MREG: variants seen among roughly 807,000 people sequenced by gnomAD.
MREG encodes dilute suppressor protein homolog.
MREG carries 31 observed loss-of-function variants against 28.5 expected under a neutral mutation model. That is an observed-to-expected ratio of 1.09 (90% CI 0.82 to 1.47). The LOEUF (loss-of-function observed/expected upper bound fraction) is 1.47. Ranked by LOEUF, MREG falls within the 40% of genes most tolerant of loss-of-function variation. The probability of loss-of-function intolerance (pLI) is 0.00; values close to 1 mark genes in which losing one functional copy is unlikely to be tolerated. For synonymous variants in MREG, 106 were observed against 95.2 expected (o/e 1.11, Z -0.66); for missense variants, 256 against 257.4 (o/e 0.99, Z 0.04).
chr2:216,031,757 C>T (rs189113870), intron 1 of MREG, among the ~76,000 whole-genome samples: 1 of 151,512 alleles, frequency 6.6e-6, no homozygotes, highest in East Asian at 1.9e-4. Flanking sequence ...TACCCCAATT[C>T]CCCTAATGTC....
In MREG at chr2:216,031,647, AAAAGAAAG is replaced by A. The variant is rs200929112; in HGVS notation, c.-68+1134_-68+1141del. Among the ~76,000 whole-genome samples, 390 of 98,026 alleles carry A rather than the reference AAAAGAAAG, an allele frequency of 4.0e-3. 2 individuals are homozygous for A. The highest frequency in any genetic ancestry group is 0.018 in the Middle Eastern group (4 of 224). 64.3% of individuals were successfully genotyped at this position (98,026 alleles called of 152,430 possible). A position where few individuals can be genotyped will look rare whatever the true frequency, so the allele number is the denominator to read the frequency against. On this transcript the variant is annotated intron_variant, in intron 1 of 3. Transcript: ENST00000420348. ...AAGGAACAAGGAAGGAAGGAAGAAG[AAAAGAAAG>A]AAAGAAAGAAAGAAAGAAAGAAAGA...
rs1559173595 is a variant in MREG, at chr2:215,949,090, A to ACTAC, written c.256-1978_256-1977insGTAG. ...ACTACTACTACTACTACTACTACTA[A>ACTAC]TAATAATAATAATAATACAAAAATT... On this transcript the variant is annotated intron_variant, in intron 2 of 4. Coordinates refer to ENST00000263268, the MANE Select transcript of MREG (RefSeq NM_018000.3). Among the ~76,000 whole-genome samples the ACTAC allele has an allele frequency of 4.0e-3, 527 of 130,450 alleles. 1 individual carries two copies. The highest frequency in any genetic ancestry group is 5.5e-3 in the Non-Finnish European group (331 of 59,978). The allele number at this position is 130,450 out of a possible 152,430, so 85.6% of individuals were successfully genotyped here.
chr2:216,010,519 G>A (rs967666433), intron 1 of MREG, among the ~76,000 whole-genome samples: 1 of 151,324 alleles, frequency 6.6e-6, no homozygotes, highest in African/African-American at 2.4e-5. Context: ...CACTACACCC[G>A]GCTAATTTTT....
At chr2:216,026,623 A>G (rs1694598122) in intron 1 of MREG, among the ~76,000 whole-genome samples, 1 of 152,114 alleles carries the variant, frequency 6.6e-6, no homozygotes, top group Non-Finnish European at 1.5e-5. Flanking sequence ...TGCCTCACAA[A>G]GTGCTGGGAT....
rs1260630968 is a variant in MREG at position 215,996,335 on chromosome 2, T to C, written c.226A>G (p.Ile76Val). 7 of 1,613,910 alleles carry C rather than the reference T, an allele frequency of 4.3e-6. No homozygotes were observed. Among genetic ancestry groups the C allele is most frequent in the Non-Finnish European group, 5.1e-6 (6 of 1,179,860 alleles). The stretch of plus-strand genomic sequence containing the variant: ...GAGTCTTTGGCCTGCTGATTACGAA[T>C]GACTATCAAATTGTACAGGGTTCTG... ...DDRTLYNLIV[I>V]RNQQAKDSEE... Residue 76 changes from isoleucine to valine, a missense_variant, in exon 2 of 5, where the codon ATT becomes GTT. Physicochemically the swap from Ile to Val is conservative, Grantham distance 29. Coordinates refer to ENST00000263268, the MANE Select transcript of MREG (RefSeq NM_018000.3).
intron 2 of MREG, among the ~76,000 whole-genome samples, chr2:215,994,328 C>G (rs1444626832): frequency 6.6e-6 from 1 of 151,634 alleles, no homozygotes; most frequent in Admixed American, 6.6e-5. Context: ...AACCAAACAC[C>G]ACATGTTCTC....
chr2:215,999,113 G>A (rs1358159255), intron 1 of MREG, among the ~76,000 whole-genome samples: 1 of 152,224 alleles, frequency 6.6e-6, no homozygotes, highest in Non-Finnish European at 1.5e-5. Context: ...GGAGCCCACG[G>A]GGTTGGGGAA....
At chr2:215,962,761 G>T (rs892639343) in intron 2 of MREG, among the ~76,000 whole-genome samples, 1 of 150,394 alleles carries the variant, frequency 6.6e-6, no homozygotes, top group Non-Finnish European at 1.5e-5. Flanking sequence ...ATAGCCACAC[G>T]TGGCTACTGA....
At chr2:215,971,083 C>T (rs750068366) in intron 2 of MREG, among the ~76,000 whole-genome samples, 1 of 151,996 alleles carries the variant, frequency 6.6e-6, no homozygotes, top group East Asian at 1.9e-4. Context: ...GGGAGTTGAA[C>T]AATGAGAATA....
Position 215,943,718 on chromosome 2 carries a change from G to C in MREG, c.*1145C>G, listed in dbSNP as rs943528936. On this transcript the variant is annotated 3_prime_UTR_variant, in exon 5 of 5. Transcript: ENST00000263268. ...TAGCCAGGTGTGGTGGCACGCGCCTGTAGTTCCAGCTACTCCAGAGGCTGA... is the reference window on the plus strand; with the variant it reads ...TAGCCAGGTGTGGTGGCACGCGCCTCTAGTTCCAGCTACTCCAGAGGCTGA... 9.1e-6 allele frequency: 3 copies of C among 329,160 alleles called. No individual in the cohort carries two copies. Among genetic ancestry groups the C allele is most frequent in the Non-Finnish European group, 1.8e-5 (3 of 166,550 alleles). The allele number at this position is 329,160 out of a possible 1,614,324, so 20.4% of individuals were successfully genotyped here.
At chr2:215,975,694 A>C (rs1417244746) in intron 2 of MREG, among the ~76,000 whole-genome samples, 1 of 152,186 alleles carries the variant, frequency 6.6e-6, no homozygotes, top group Non-Finnish European at 1.5e-5. Context: ...TTATATATTA[A>C]ATAATGCATC....
At chr2:215,978,561 C>G (rs1693322476) in intron 2 of MREG, among the ~76,000 whole-genome samples, 2 of 152,316 alleles carry the variant, frequency 1.3e-5, no homozygotes, top group Admixed American at 6.5e-5. Flanking sequence ...GAAACCAAAA[C>G]CTGGCACAGA....
intron 1 of MREG, among the ~76,000 whole-genome samples, chr2:216,023,089 C>G (rs1163349792): frequency 6.6e-6 from 1 of 152,168 alleles, no homozygotes; most frequent in Non-Finnish European, 1.5e-5. Context: ...AGAGATACAT[C>G]GACAGGCCAG....
At chr2:216,014,708 A>C (rs989590382), upstream of MREG, among the ~76,000 whole-genome samples, 4 of 152,288 alleles carry the variant, frequency 2.6e-5, no homozygotes, top group Admixed American at 6.5e-5. Flanking sequence ...TTGGCAGTTG[A>C]ATTGCTGGGT....
intron 1 of MREG, among the ~76,000 whole-genome samples, chr2:216,011,313 G>C (rs1694302427): frequency 6.6e-6 from 1 of 152,068 alleles, no homozygotes; most frequent in South Asian, 2.1e-4. Flanking sequence ...CCCAAATATT[G>C]TTATATGGAA....
At chr2:215,972,459 A>C (rs1194211163) in intron 2 of MREG, among the ~76,000 whole-genome samples, 1 of 152,132 alleles carries the variant, frequency 6.6e-6, no homozygotes, top group Non-Finnish European at 1.5e-5. Context: ...CCTAGCCAAC[A>C]TGGTGAAAAC....
chr2:216,005,275 T>G (rs548520901), intron 1 of MREG, among the ~76,000 whole-genome samples: 10 of 152,098 alleles, frequency 6.6e-5, no homozygotes, highest in Non-Finnish European at 1.2e-4. Flanking sequence ...CACAGTTTGA[T>G]CCCATTTATG....
intron 2 of MREG, among the ~76,000 whole-genome samples, chr2:215,986,351 C>T (rs1316629844): frequency 1.3e-5 from 2 of 152,160 alleles, no homozygotes; most frequent in East Asian, 3.8e-4. Context: ...CTCAACATGG[C>T]AAGCAGCTAT....
At chr2:215,940,847 G>A (rs749262464), downstream of MREG, among the ~76,000 whole-genome samples, 1 of 152,146 alleles carries the variant, frequency 6.6e-6, no homozygotes, top group Non-Finnish European at 1.5e-5. Flanking sequence ...TGTGTTGTGT[G>A]TGTGCGCGCG....
Sources: allele counts gnomAD v4.1 joint callset (sites outside exome capture counted in the v4.1 genomes callset), GRCh38; gene constraint gnomAD v4.1.1; transcripts MANE v1.5; gene names NCBI Gene and HGNC (gene_info 2026-07-23, HGNC 2026-07-21).